Variants in MEMO1 observed in about 807,000 individuals in gnomAD.
MEMO1 encodes protein MEMO1.
In MEMO1, 6 loss-of-function variants were observed where a neutral mutation model predicts 45.2. The ratio of observed to expected loss-of-function variants is 0.13; its 90% CI spans 0.07 to 0.26. The LOEUF is 0.26. MEMO1 is among the 10% of genes least tolerant of loss of function. The pLI is 1.00. For missense variants in MEMO1, 184 were observed against 370.5 expected, an observed-to-expected ratio of 0.50 and a Z score of 4.13; for synonymous variants, 78 against 124.3, an observed-to-expected ratio of 0.63 and a Z score of 2.48.
At chr2:31,891,890 A>C (rs1420714065) in intron 7 of MEMO1, 102 bp downstream of exon 7, 16 of 1,227,148 alleles carry the variant, frequency 1.3e-5, no homozygotes, top group Non-Finnish European at 1.8e-5. Context: ...AAACTTTCCA[A>C]GGAAAGTGAT....
chr2:31,989,340 G>A (rs981489990), intron 2 of MEMO1, among the ~76,000 whole-genome samples: 5 of 151,978 alleles, frequency 3.3e-5, no homozygotes, highest in Non-Finnish European at 7.4e-5. Context: ...GCAAAACATA[G>A]TTTCTACCAC....
intron 2 of MEMO1, among the ~76,000 whole-genome samples, chr2:31,988,727 C>A (rs1463367552): frequency 6.6e-6 from 1 of 152,154 alleles, no homozygotes; most frequent in Non-Finnish European, 1.5e-5. Context: ...CACATTAAAT[C>A]TTTGCCCTTA....
Position 31,897,838 on chromosome 2 carries a change from A to G in MEMO1, c.438-5704T>C, listed in dbSNP as rs372926051. 3.5e-3 allele frequency among the ~76,000 whole-genome samples: 523 copies of G among 150,500 alleles called. 1 individual carries two copies. The highest frequency in any genetic ancestry group is 0.018 in the Middle Eastern group (5 of 280). The stretch of plus-strand genomic sequence containing the variant: ...TCTGGTAGAATTCAGCTATGAATGC[A>G]TCTGGTCCTGGGCTTTTTGGTTGGT... On this transcript the variant is annotated intron_variant, in intron 6 of 9. Transcript: ENST00000404530.
rs560364964 is a variant in MEMO1, at chr2:31,928,236, T to C, written c.212+3831A>G. Among the ~76,000 whole-genome samples, 111 of 152,298 alleles carry C rather than the reference T, an allele frequency of 7.3e-4. 1 individual carries two copies. Among genetic ancestry groups the C allele is most frequent in the African/African-American group, 2.6e-3 (108 of 41,572 alleles). On this transcript the variant is annotated intron_variant, in intron 4 of 9. Coordinates refer to ENST00000404530, the MANE Select transcript of MEMO1 (RefSeq NM_001301833.4). Reference sequence around the variant, plus strand: ...CCCCATTAAGTTATCAGCCCCCTAATAGTTACTGTGAAAAGAAAAATCTTG... The same window carrying C: ...CCCCATTAAGTTATCAGCCCCCTAACAGTTACTGTGAAAAGAAAAATCTTG...
chr2:31,921,011 C>A, intron 4 of MEMO1, 101 bp from the exon 5 acceptor site: 1 of 761,890 alleles, frequency 1.3e-6, no homozygotes, highest in Admixed American at 2.8e-5. Context: ...ACTTGTTTTC[C>A]TTCTTAATTA....
intron 2 of MEMO1, among the ~76,000 whole-genome samples, chr2:31,977,678 G>A (rs983914062): frequency 5.9e-5 from 9 of 151,684 alleles, no homozygotes; most frequent in African/African-American, 1.7e-4. Context: ...CACTGCCACC[G>A]CCACCACCAC....
intron 2 of MEMO1, among the ~76,000 whole-genome samples, chr2:31,950,150 G>A (rs969757122): frequency 1.3e-5 from 2 of 152,164 alleles, no homozygotes; most frequent in Non-Finnish European, 2.9e-5. Context: ...GGAAGCCACG[G>A]CAGATGGATC....
rs949253978 is a variant in MEMO1, at chr2:31,963,246, C to G, written c.62-19863G>C. ...GTCAGCCCTCCATAATGGCATGAGT[C>G]AATTCCAAATAAATCTCTTTCTATA... is the stretch of plus-strand genomic sequence containing the variant. On this transcript the variant is annotated intron_variant, in intron 2 of 9. Transcript: ENST00000404530. The G allele has an allele frequency of 1.3e-5, 20 of 1,544,290 alleles. No homozygotes were observed. In the African/African-American group the frequency reaches 2.7e-4, roughly 21 times the overall value.
intron 2 of MEMO1, among the ~76,000 whole-genome samples, chr2:31,989,545 C>T (rs778687450): frequency 6.6e-6 from 1 of 152,072 alleles, no homozygotes; most frequent in Non-Finnish European, 1.5e-5. Context: ...AAAGATACAA[C>T]CAAAGTGGAG....
rs550151311 is a variant in MEMO1 at position 31,971,716 on chromosome 2, T to C, written c.62-28333A>G. On this transcript the variant is annotated intron_variant, in intron 2 of 9. Transcript: ENST00000404530. ...CGGGCAAGGTGGCTCACGCCAGTAA[T>C]CCCAGCATTTTGGGAGGCCGAGGTG... 7.9e-5 allele frequency among the ~76,000 whole-genome samples: 12 copies of C among 152,106 alleles called. No individual in the cohort carries two copies. In the East Asian group the frequency reaches 9.7e-4, roughly 12 times the overall value.
At chr2:31,870,675 C>T (rs943557634) in intron 8 of MEMO1, among the ~76,000 whole-genome samples, 1 of 152,116 alleles carries the variant, frequency 6.6e-6, no homozygotes, top group South Asian at 2.1e-4. Context: ...CTCCTGGGTT[C>T]AAGCAATTTT....
At chr2:31,986,168 G>A (rs1671231190) in intron 2 of MEMO1, among the ~76,000 whole-genome samples, 1 of 152,158 alleles carries the variant, frequency 6.6e-6, no homozygotes, top group Non-Finnish European at 1.5e-5. Flanking sequence ...GCCGAGGCAG[G>A]CAGATCACGA....
intron 8 of MEMO1, among the ~76,000 whole-genome samples, chr2:31,881,480 G>C (rs1433305792): frequency 8.4e-6 from 1 of 119,102 alleles, no homozygotes; most frequent in Non-Finnish European, 1.7e-5. Context: ...AGGTGATAGA[G>C]TGAGAGCCTG....
intron 2 of MEMO1, among the ~76,000 whole-genome samples, chr2:31,990,571 C>CATTTTTTTTTT (rs1349949014): frequency 2.5e-5 from 3 of 119,998 alleles, no homozygotes; most frequent in Non-Finnish European, 3.5e-5. Flanking sequence ...AATTTTTTTT[C>CATTTTTTTTTT]TTTTTTTTTT....
At chr2:31,938,069 G>A (rs1218714862) in intron 3 of MEMO1, among the ~76,000 whole-genome samples, 4 of 152,100 alleles carry the variant, frequency 2.6e-5, no homozygotes, top group Non-Finnish European at 5.9e-5. Flanking sequence ...TTCAACCACA[G>A]TACATTTCTA....
At chr2:31,937,787 C>A (rs866540239) in intron 3 of MEMO1, among the ~76,000 whole-genome samples, 7 of 151,978 alleles carry the variant, frequency 4.6e-5, no homozygotes, top group South Asian at 2.1e-4. Context: ...ATTCAAAGTA[C>A]CTGTTTTATA....
In MEMO1 at chr2:31,919,855, G is replaced by GGT. The variant is rs1012635626; in HGVS notation, c.325+941_325+942dup. On this transcript the variant is annotated intron_variant, in intron 5 of 9. Coordinates refer to ENST00000404530, the MANE Select transcript of MEMO1 (RefSeq NM_001301833.4). ...AAAAATATATATATGTGTGTGTCGGGGTGTGTGTGTGTGTGTTTATATATA... is the reference window on the plus strand; with the variant it reads ...AAAAATATATATATGTGTGTGTCGGGGTGTGTGTGTGTGTGTGTTTATATATA... Among the ~76,000 whole-genome samples the GGT allele has an allele frequency of 4.4e-3, 666 of 150,432 alleles. 9 individuals carry two copies. Among genetic ancestry groups the GGT allele is most frequent in the African/African-American group, 0.015 (621 of 41,014 alleles).
At chr2:31,932,352 A>C (rs1664282090) in intron 3 of MEMO1, among the ~76,000 whole-genome samples, 1 of 152,158 alleles carries the variant, frequency 6.6e-6, no homozygotes, top group South Asian at 2.1e-4. Context: ...AATACTTTGT[A>C]ATTTTTTTTT....
intron 8 of MEMO1, among the ~76,000 whole-genome samples, chr2:31,876,371 C>T (rs548009730): frequency 6.6e-6 from 1 of 152,298 alleles, no homozygotes; most frequent in South Asian, 2.1e-4. Flanking sequence ...ACCACTCAAT[C>T]CAAAACAGCC....
Sources: gnomAD v4.1 joint callset for allele counts (sites outside exome capture counted in the v4.1 genomes callset) on GRCh38, gnomAD v4.1.1 for gene constraint, MANE v1.5 for transcripts, NCBI Gene and HGNC (gene_info 2026-07-23, HGNC 2026-07-21) for gene names.